SHROOM4: variants seen among roughly 807,000 people sequenced by gnomAD.
SHROOM4 encodes the protein shroom family member 4.
Under a neutral mutation model 80.3 loss-of-function variants are expected in SHROOM4, and 17 were observed. The ratio of observed to expected loss-of-function variants is 0.21; its 90% confidence interval spans 0.14 to 0.32. SHROOM4 has a LOEUF of 0.32. SHROOM4 is among the 10% of genes least tolerant of loss of function. SHROOM4 has a pLI of 1.00. For missense variants in SHROOM4, 993 were observed against 1,140.3 expected, an observed-to-expected ratio of 0.87 and a Z score of 1.86; for synonymous variants, 400 against 437.5, an observed-to-expected ratio of 0.91 and a Z score of 1.07.
intron 1 of SHROOM4, among the ~76,000 whole-genome samples, chrX:50,704,197 A>T (rs1270360995): frequency 8.9e-6 from 1 of 112,001 alleles, no homozygotes; most frequent in Non-Finnish European, 1.9e-5. Flanking sequence ...CCTACCGCCT[A>T]ATATAAAAAC....
chrX:50,618,353 T>TTCCTTCCTTCCTTCCC, intron 5 of SHROOM4, among the ~76,000 whole-genome samples: 1 of 14,857 alleles, frequency 6.7e-5, no homozygotes. Context: ...CCTTCCTTCC[T>TTCCTTCCTTCCTTCCC]TCCTTCCTTC....
chrX:50,789,447 A>G (rs1935812435), intron 1 of SHROOM4, among the ~76,000 whole-genome samples: 1 of 111,991 alleles, frequency 8.9e-6, no homozygotes, highest in African/African-American at 3.2e-5. Flanking sequence ...AAATATTTTG[A>G]GATAAATGAA....
rs373712390 is a variant in SHROOM4 at position 50,634,022 on chromosome X, C to T, written c.2051G>A (p.Arg684Gln). Residue 684 changes from arginine to glutamine, a missense_variant, in exon 4 of 9, where the codon CGA (arginine) becomes CAA (glutamine). Physicochemically the swap from Arg to Gln is conservative, Grantham distance 43. Transcript: ENST00000376020. The stretch of plus-strand genomic sequence containing the variant: ...GCCAGGCCTCTGGCCAGGGCTTATT[C>T]GTCCCTCTAAGCCTGTCCTAGATTC... Reference protein sequence around the residue: ...SHESRTGLEGRISPGQRPGQS... With the variant: ...SHESRTGLEGQISPGQRPGQS... 5.9e-5 allele frequency: 71 copies of T among 1,210,123 alleles called. No homozygotes were observed. Among genetic ancestry groups the T allele is most frequent in the South Asian group, 7.1e-5 (4 of 56,735 alleles).
intron 2 of SHROOM4, among the ~76,000 whole-genome samples, chrX:50,641,345 G>A (rs781816668): frequency 7.1e-5 from 8 of 112,389 alleles, no homozygotes; most frequent in East Asian, 5.6e-4. Flanking sequence ...CTGAAATTTA[G>A]TTTTCTTATC....
intron 1 of SHROOM4, among the ~76,000 whole-genome samples, chrX:50,762,882 T>C (rs185325408): frequency 4.1e-4 from 46 of 112,078 alleles, no homozygotes; most frequent in African/African-American, 1.5e-3. Flanking sequence ...TGTATATCTT[T>C]ATGCCTTTAT....
rs1260887045 is a variant in SHROOM4 at position 50,594,761 on chromosome X, G to A, written c.*1934C>T. On this transcript the variant is annotated 3_prime_UTR_variant, in exon 9 of 9. Coordinates refer to ENST00000376020, the MANE Select transcript of SHROOM4 (RefSeq NM_020717.5). ...TCTCAATCTTGGCTGGCTTGTGTAA[G>A]CCTAGCCCCTGCAAGCCACCAGCCT... is the stretch of plus-strand genomic sequence containing the variant. 1.8e-5 allele frequency: 2 copies of A among 111,586 alleles called. No homozygotes were observed. The highest frequency in any genetic ancestry group is 3.8e-5 in the Non-Finnish European group (2 of 53,126). The allele number at this position is 111,586 out of a possible 1,213,427, so 9.2% of individuals were successfully genotyped here.
Position 50,813,160 on chromosome X carries a change from T to TGGCGGCGGCGGCGGC in SHROOM4, c.117+727_117+741dup, listed in dbSNP as rs781798597. Among the ~76,000 whole-genome samples the TGGCGGCGGCGGCGGC allele has an allele frequency of 1.3e-3, 133 of 102,018 alleles. 1 individual carries two copies. The highest frequency in any genetic ancestry group is 2.6e-3 in the East Asian group (8 of 3,125). 88.6% of individuals were successfully genotyped at this position (102,018 alleles called of 115,157 possible). ...CTGGCGGCGGCGGCGGCGGCGGCAG[T>TGGCGGCGGCGGCGGC]GGCGGCGGCGGCGGCGGCGGCGGCG... On this transcript the variant is annotated intron_variant, in intron 1 of 8. Transcript: ENST00000376020.
rs782266166 is a variant in SHROOM4, at chrX:50,651,023, C to T, written c.270-12715G>A. Among the ~76,000 whole-genome samples, 90 of 111,387 alleles carry T rather than the reference C, an allele frequency of 8.1e-4. 1 individual carries two copies. The highest frequency in any genetic ancestry group is 2.9e-3 in the African/African-American group (89 of 30,623). On this transcript the variant is annotated intron_variant, in intron 2 of 8. Transcript: ENST00000376020. The stretch of plus-strand genomic sequence containing the variant: ...AACCAGGAGCAAGTTTGAGAGGAGG[C>T]CAGGCAAAGGAAAAGAGAAGTCAAG...
At chrX:50,652,135 C>G (rs903113137) in intron 2 of SHROOM4, among the ~76,000 whole-genome samples, 6 of 111,734 alleles carry the variant, frequency 5.4e-5, no homozygotes, top group Non-Finnish European at 1.1e-4. Context: ...ATTTCTGGTT[C>G]CAGATCCTTG....
intron 7 of SHROOM4, among the ~76,000 whole-genome samples, chrX:50,600,479 A>G (rs12843726): frequency 1.8e-5 from 2 of 112,017 alleles, no homozygotes; most frequent in East Asian, 5.6e-4. Context: ...AAATAAGATA[A>G]CAATAGGACC....
At chrX:50,645,321 G>A (rs1306504349) in intron 2 of SHROOM4, among the ~76,000 whole-genome samples, 2 of 112,013 alleles carry the variant, frequency 1.8e-5, no homozygotes, top group Non-Finnish European at 3.8e-5. Flanking sequence ...GTGTCCGGCC[G>A]CCCTTGCTCT....
downstream of SHROOM4, among the ~76,000 whole-genome samples, chrX:50,584,576 G>T (rs1172183597): frequency 8.9e-6 from 1 of 111,962 alleles, no homozygotes; most frequent in Non-Finnish European, 1.9e-5. Context: ...TTAGGCTAAT[G>T]ATGTAGTTCA....
Position 50,596,342 on chromosome X carries a change from T to G in SHROOM4, c.*353A>C. 8.0e-6 allele frequency: 3 copies of G among 373,561 alleles called. No individual in the cohort carries two copies. The highest frequency in any genetic ancestry group is 1.5e-5 in the Non-Finnish European group (3 of 198,581). The allele number at this position is 373,561 out of a possible 1,213,427, so 30.8% of individuals were successfully genotyped here. A position where few individuals can be genotyped will look rare whatever the true frequency, so the allele number is the denominator to read the frequency against. ...CTGAGCCTTTAGAGGCTGTTGATGA[T>G]ATGGGTGGGTGATGAGTACTTGATG... On this transcript the variant is annotated 3_prime_UTR_variant, in exon 9 of 9. Coordinates refer to ENST00000376020, the MANE Select transcript of SHROOM4 (RefSeq NM_020717.5).
rs1557246573 is a variant in SHROOM4, at chrX:50,596,296, G to C, written c.*399C>G. 1 of 346,153 alleles carries C rather than the reference G, an allele frequency of 2.9e-6. No individual in the cohort carries two copies. Among genetic ancestry groups the C allele is most frequent in the East Asian group, 8.9e-5 (1 of 11,230 alleles). 28.5% of individuals were successfully genotyped at this position (346,153 alleles called of 1,213,427 possible). On this transcript the variant is annotated 3_prime_UTR_variant, in exon 9 of 9. Transcript: ENST00000376020. ...TGGCCACAAGCCCTGGGGCAGAGTA[G>C]AGCTGCAAGGCAGATTCCCTCTGAG...
At chrX:50,656,011 C>T (rs1036064712) in intron 2 of SHROOM4, among the ~76,000 whole-genome samples, 5 of 111,392 alleles carry the variant, frequency 4.5e-5, no homozygotes, top group Admixed American at 9.6e-5. Context: ...TGATTAGTGA[C>T]GTCAAACATT....
chrX:50,610,523 T>A (rs1222873399), intron 5 of SHROOM4, among the ~76,000 whole-genome samples: 1 of 111,521 alleles, frequency 9.0e-6, no homozygotes, highest in African/African-American at 3.3e-5. Flanking sequence ...TTCATCTTCA[T>A]CCCCACCTGA....
the SHROOM4 span, among the ~76,000 whole-genome samples, chrX:50,580,203 T>C: frequency 8.9e-6 from 1 of 112,084 alleles, no homozygotes; most frequent in Admixed American, 9.5e-5. Flanking sequence ...CCAAGGGTCT[T>C]GGGTCACCGA....
At chrX:50,583,386 G>A (rs1928698729), downstream of SHROOM4, among the ~76,000 whole-genome samples, 1 of 111,047 alleles carries the variant, frequency 9.0e-6, no homozygotes, top group Non-Finnish European at 1.9e-5. Context: ...TGGCCTCCAT[G>A]TTCCTCACCT....
At chrX:50,728,601 G>C (rs968127950) in intron 1 of SHROOM4, among the ~76,000 whole-genome samples, 1 of 111,815 alleles carries the variant, frequency 8.9e-6, no homozygotes, top group Non-Finnish European at 1.9e-5. Context: ...TGACCCAAGG[G>C]CTGCTTCTAG....
Sources: allele counts gnomAD v4.1 joint callset (sites outside exome capture counted in the v4.1 genomes callset), GRCh38; gene constraint gnomAD v4.1.1; transcripts MANE v1.5; gene names NCBI Gene and HGNC (gene_info 2026-07-23, HGNC 2026-07-21).